Variants in AUTS2 observed in about 807,000 individuals in gnomAD.
AUTS2 encodes activator of transcription and developmental regulator AUTS2, also known as autism susceptibility gene 2 protein.
AUTS2 carries 17 observed loss-of-function variants against 112.4 expected under a neutral mutation model. The ratio of observed to expected loss-of-function variants is 0.15; its 90% CI spans 0.10 to 0.23. AUTS2 has a LOEUF of 0.23. Among genes scored for constraint, AUTS2 ranks in the 10% least tolerant of loss-of-function variants. The probability of loss-of-function intolerance (pLI) is 1.00; values close to 1 mark genes in which losing one functional copy is unlikely to be tolerated. For synonymous variants in AUTS2, 751 were observed against 702.7 expected (o/e 1.07, Z -1.09); for missense variants, 1,510 against 1,701.6 (o/e 0.89, Z 1.98).
intron 1 of AUTS2, among the ~76,000 whole-genome samples, chr7:69,782,265 A>C (rs1789173377): frequency 6.6e-6 from 1 of 151,536 alleles, no homozygotes; most frequent in African/African-American, 2.4e-5. Context: ...TGGGAGGCTG[A>C]GGTGGCAGGA....
intron 5 of AUTS2, among the ~76,000 whole-genome samples, chr7:70,489,830 A>G (rs1798165676): frequency 6.6e-6 from 1 of 152,242 alleles, no homozygotes; most frequent in South Asian, 2.1e-4. Flanking sequence ...GTGAAGCTAG[A>G]AGTTCATTAG....
In AUTS2 at chr7:70,321,232, G is replaced by A. The variant is rs571351106; in HGVS notation, c.661-114520G>A. Among the ~76,000 whole-genome samples the A allele has an allele frequency of 1.7e-3, 263 of 152,324 alleles. 1 individual carries two copies. The highest frequency in any genetic ancestry group is 6.0e-3 in the African/African-American group (250 of 41,578). ...GCAACAGACATACATGTCCATGCTTGTTTGACTGTAACACGTTTACTCTTA... is the reference window on the plus strand; with the variant it reads ...GCAACAGACATACATGTCCATGCTTATTTGACTGTAACACGTTTACTCTTA... On this transcript the variant is annotated intron_variant, in intron 4 of 18. Coordinates refer to ENST00000342771, the MANE Select transcript of AUTS2 (RefSeq NM_015570.4).
intron 1 of AUTS2, among the ~76,000 whole-genome samples, chr7:69,869,107 T>C (rs1793365454): frequency 6.6e-6 from 1 of 152,188 alleles, no homozygotes; most frequent in Non-Finnish European, 1.5e-5. Flanking sequence ...GCAGGATTTT[T>C]TTGAACATGT....
intron 4 of AUTS2, among the ~76,000 whole-genome samples, chr7:70,325,004 A>G (rs1585019108): frequency 6.6e-6 from 1 of 152,174 alleles, no homozygotes; most frequent in South Asian, 2.1e-4. Flanking sequence ...GTGAAAACCC[A>G]CACAACTCAG....
At chr7:70,243,279 G>A (rs865873020) in intron 4 of AUTS2, among the ~76,000 whole-genome samples, 3 of 117,138 alleles carry the variant, frequency 2.6e-5, no homozygotes, top group East Asian at 2.5e-4. Flanking sequence ...GTGTGTGTGT[G>A]TATGAGTATA....
Position 69,657,382 on chromosome 7 carries a change from A to AT in AUTS2, c.309+57427dup, listed in dbSNP as rs542751847. Among the ~76,000 whole-genome samples, 49 of 152,266 alleles carry AT rather than the reference A, an allele frequency of 3.2e-4. No individual in the cohort carries two copies. In the East Asian group the frequency reaches 6.9e-3, roughly 22 times the overall value. Reference sequence around the variant, plus strand: ...TCACTTAGGGGAAAAAACCTGTTTGATTTTTTTCCTATCCCAGAGTACTTG... The same window carrying AT: ...TCACTTAGGGGAAAAAACCTGTTTGATTTTTTTTCCTATCCCAGAGTACTTG... On this transcript the variant is annotated intron_variant, in intron 1 of 18. Transcript: ENST00000342771.
chr7:70,274,397 C>T (rs548129268), intron 4 of AUTS2, among the ~76,000 whole-genome samples: 19 of 152,128 alleles, frequency 1.2e-4, no homozygotes, highest in African/African-American at 4.1e-4. Context: ...CTGGCTCAAG[C>T]GATCCTCCCA....
intron 2 of AUTS2, among the ~76,000 whole-genome samples, chr7:69,939,724 CTG>C (rs1313256339): frequency 6.6e-6 from 1 of 152,200 alleles, no homozygotes; most frequent in African/African-American, 2.4e-5. Flanking sequence ...GCATAAGGTA[CTG>C]TGTCTTCTCT....
At chr7:70,106,860 C>G (rs544402590) in intron 2 of AUTS2, among the ~76,000 whole-genome samples, 1 of 151,572 alleles carries the variant, frequency 6.6e-6, no homozygotes, top group Admixed American at 6.6e-5. Context: ...CAGGATATGT[C>G]AGAAAAAAGT....
intron 3 of AUTS2, among the ~76,000 whole-genome samples, chr7:70,130,800 G>A (rs1806232352): frequency 6.6e-6 from 1 of 152,044 alleles, no homozygotes; most frequent in African/African-American, 2.4e-5. Context: ...ATATCCCTGT[G>A]TTCTCATGCA....
At chr7:69,922,278 A>G (rs1795846654) in intron 2 of AUTS2, among the ~76,000 whole-genome samples, 2 of 151,996 alleles carry the variant, frequency 1.3e-5, no homozygotes, top group South Asian at 4.2e-4. Flanking sequence ...TCCTTTTTCT[A>G]CTCCTTAAGA....
Position 69,980,612 on chromosome 7 carries a change from C to T in AUTS2, c.522+81114C>T, listed in dbSNP as rs138253653. ...GAAACTGTTAAAAAAAAAAAGTGTA[C>T]GCTTACATTGTATGTATTAGAAGTC... On this transcript the variant is annotated intron_variant, in intron 2 of 18. Coordinates refer to ENST00000342771, the MANE Select transcript of AUTS2 (RefSeq NM_015570.4). Among the ~76,000 whole-genome samples the T allele has an allele frequency of 3.6e-3, 550 of 152,032 alleles. 4 individuals carry two copies. The highest frequency in any genetic ancestry group is 0.01 in the Middle Eastern group (3 of 294).
At chr7:70,404,296 G>A (rs1300957331) in intron 4 of AUTS2, among the ~76,000 whole-genome samples, 3 of 152,076 alleles carry the variant, frequency 2.0e-5, no homozygotes, top group African/African-American at 7.2e-5. Context: ...GAGATTGCTG[G>A]CTTGTCATCC....
intron 2 of AUTS2, among the ~76,000 whole-genome samples, chr7:70,039,299 C>T (rs1801143627): frequency 6.6e-6 from 1 of 152,090 alleles, no homozygotes; most frequent in Non-Finnish European, 1.5e-5. Context: ...TTTTACAATT[C>T]ACTACCGGTT....
chr7:70,429,868 CT>C (rs1795581708), intron 4 of AUTS2, among the ~76,000 whole-genome samples: 1 of 151,988 alleles, frequency 6.6e-6, no homozygotes, highest in African/African-American at 2.4e-5. Flanking sequence ...CCACAGAAAG[CT>C]TAAGAAGCAT....
intron 5 of AUTS2, among the ~76,000 whole-genome samples, chr7:70,659,325 T>C (rs1462221504): frequency 6.6e-6 from 1 of 152,230 alleles, no homozygotes; most frequent in East Asian, 1.9e-4. Flanking sequence ...CCCTGCTAAA[T>C]GACACCCGTA....
At chr7:70,712,387 C>T (rs915055616) in intron 6 of AUTS2, among the ~76,000 whole-genome samples, 1 of 151,756 alleles carries the variant, frequency 6.6e-6, no homozygotes, top group African/African-American at 2.4e-5. Context: ...GCTTTCCGGT[C>T]GCAATGCTTA....
At chr7:70,614,403 G>A (rs914064576) in intron 5 of AUTS2, among the ~76,000 whole-genome samples, 1 of 152,172 alleles carries the variant, frequency 6.6e-6, no homozygotes, top group African/African-American at 2.4e-5. Context: ...CCCTTGAAAT[G>A]AAGCAAAGGA....
intron 5 of AUTS2, among the ~76,000 whole-genome samples, chr7:70,481,106 C>T (rs1483339433): frequency 6.6e-6 from 1 of 152,182 alleles, no homozygotes; most frequent in East Asian, 1.9e-4. Flanking sequence ...GCGGAGAAAC[C>T]TAGAGCCTTT....
Sources: gnomAD v4.1 joint callset for allele counts (sites outside exome capture counted in the v4.1 genomes callset) on GRCh38, gnomAD v4.1.1 for gene constraint, MANE v1.5 for transcripts, NCBI Gene and HGNC (gene_info 2026-07-23, HGNC 2026-07-21) for gene names.